Variants in NRXN1 observed in about 807,000 individuals in gnomAD.
NRXN1 encodes the protein neurexin-1.
NRXN1 carries 39 observed loss-of-function variants against 150.9 expected under a neutral mutation model. That is an observed-to-expected ratio of 0.26 (90% CI 0.20 to 0.34). The LOEUF is 0.34. NRXN1 is among the 10% of genes least tolerant of loss of function. The pLI, the probability that NRXN1 is intolerant of heterozygous loss-of-function variation, is 1.00. For synonymous variants in NRXN1, 924 were observed against 757.0 expected (o/e 1.22, Z -3.62); for missense variants, 1,815 against 1,949.9 (o/e 0.93, Z 1.30).
At chr2:50,690,133 T>G (rs1347748628) in intron 5 of NRXN1, among the ~76,000 whole-genome samples, 1 of 152,160 alleles carries the variant, frequency 6.6e-6, no homozygotes, top group African/African-American at 2.4e-5. Flanking sequence ...GTGATCCGCC[T>G]GCCTTAGCTT....
chr2:50,719,328 A>T (rs945734353), intron 5 of NRXN1, among the ~76,000 whole-genome samples: 3 of 145,400 alleles, frequency 2.1e-5, no homozygotes, highest in East Asian at 2.0e-4. Flanking sequence ...GCAAAAAATT[A>T]AAAAAAAAAA....
At chr2:50,684,158 G>C (rs1449011294) in intron 5 of NRXN1, among the ~76,000 whole-genome samples, 1 of 152,044 alleles carries the variant, frequency 6.6e-6, no homozygotes, top group Non-Finnish European at 1.5e-5. Flanking sequence ...ATTTATAATT[G>C]TAATTTCAGA....
intron 17 of NRXN1, among the ~76,000 whole-genome samples, chr2:50,413,838 T>C (rs557749929): frequency 4.5e-4 from 68 of 152,302 alleles, no homozygotes; most frequent in Non-Finnish European, 6.9e-4. Flanking sequence ...CATAATGGAC[T>C]ACTGTTCAGA....
intron 8 of NRXN1, chr2:50,554,582 A>G (rs1667965408): frequency 6.6e-6 from 1 of 152,220 alleles, no homozygotes; most frequent in Non-Finnish European, 1.5e-5. Context: ...ATTCATTCCA[A>G]TGCCAATCAC....
intron 17 of NRXN1, among the ~76,000 whole-genome samples, chr2:50,402,982 A>C (rs115674457): frequency 0.011 from 1,688 of 152,276 alleles, 36 homozygotes; most frequent in African/African-American, 0.037. Context: ...AACAAATATT[A>C]ATGTAAGGGT....
intron 21 of NRXN1, among the ~76,000 whole-genome samples, chr2:49,998,286 T>C (rs1344990304): frequency 6.6e-6 from 1 of 152,208 alleles, no homozygotes; most frequent in Non-Finnish European, 1.5e-5. Context: ...GACTACTATA[T>C]GACCCGTGAC....
rs146942471 is a variant in NRXN1 at position 51,011,490 on chromosome 2, T to G, written c.772+16012A>C. Among the ~76,000 whole-genome samples the G allele has an allele frequency of 3.0e-3, 462 of 152,110 alleles. 4 individuals carry two copies. Among genetic ancestry groups the G allele is most frequent in the Non-Finnish European group, 1.5e-3 (103 of 67,960 alleles). The stretch of plus-strand genomic sequence containing the variant: ...ACCAGGGGTGAGCAGGAAGAGGGTA[T>G]CAGGGATGATTTCACAGAGAAGGAG... On this transcript the variant is annotated intron_variant, in intron 2 of 22. Coordinates refer to ENST00000401669, the MANE Select transcript of NRXN1 (RefSeq NM_001330078.2).
At chr2:50,330,254 T>C (rs566947553) in intron 17 of NRXN1, among the ~76,000 whole-genome samples, 6 of 152,316 alleles carry the variant, frequency 3.9e-5, no homozygotes, top group African/African-American at 1.2e-4. Context: ...TTTCTTTAGA[T>C]ACGATTCTGG....
intron 5 of NRXN1, among the ~76,000 whole-genome samples, chr2:50,837,907 T>G (rs1672336367): frequency 1.3e-5 from 2 of 152,262 alleles, no homozygotes; most frequent in East Asian, 3.9e-4. Flanking sequence ...TAAATATGAA[T>G]CCACAGTGAG....
intron 22 of NRXN1, among the ~76,000 whole-genome samples, chr2:49,929,002 C>T (rs1040731543): frequency 1.3e-5 from 2 of 152,146 alleles, no homozygotes; most frequent in Non-Finnish European, 2.9e-5. Flanking sequence ...ACCTTTGCTA[C>T]CTGCCTGGCT....
intron 18 of NRXN1, among the ~76,000 whole-genome samples, chr2:50,109,790 G>A (rs1441246544): frequency 6.6e-6 from 1 of 152,038 alleles, no homozygotes; most frequent in African/African-American, 2.4e-5. Flanking sequence ...TAGTATAAAT[G>A]TATCCAGAGA....
At chr2:50,142,953 C>A (rs947964974) in intron 18 of NRXN1, among the ~76,000 whole-genome samples, 3 of 151,808 alleles carry the variant, frequency 2.0e-5, no homozygotes, top group Admixed American at 1.3e-4. Context: ...TGAACTATCA[C>A]CCTATCCCCG....
intron 18 of NRXN1, among the ~76,000 whole-genome samples, chr2:50,141,227 G>T (rs1379285577): frequency 2.0e-5 from 3 of 151,926 alleles, no homozygotes; most frequent in Non-Finnish European, 4.4e-5. Flanking sequence ...TTTAAATTGG[G>T]CCATGTGCTG....
In NRXN1 at chr2:50,939,257, T is replaced by G. The variant is rs1002007629; in HGVS notation, c.773-13302A>C. Among the ~76,000 whole-genome samples the G allele has an allele frequency of 4.0e-5, 6 of 150,008 alleles. No individual in the cohort carries two copies. The East Asian group carries it at 1.2e-3, about 29-fold the overall frequency. On this transcript the variant is annotated intron_variant, in intron 2 of 22. Coordinates refer to ENST00000401669, the MANE Select transcript of NRXN1 (RefSeq NM_001330078.2). ...AAAAAATTAAATGTAGGTAGCCCCA[T>G]TAAAATAATGACTTACAAAGCTTCA... is the stretch of plus-strand genomic sequence containing the variant.
rs543408300 is a variant in NRXN1, at chr2:50,343,171, A to G, written c.3365-106201T>C. On this transcript the variant is annotated intron_variant, in intron 17 of 22. Transcript: ENST00000401669. ...CAGAGCTCATATTTGTGGGAGGAGA[A>G]AGGATGGCACTGGTGGCTTTCTCCT... 1.2e-4 allele frequency among the ~76,000 whole-genome samples: 19 copies of G among 152,326 alleles called. 1 individual carries two copies. The South Asian group carries it at 3.9e-3, about 32-fold the overall frequency.
intron 2 of NRXN1, among the ~76,000 whole-genome samples, chr2:50,961,935 A>G (rs1289100052): frequency 2.0e-5 from 3 of 150,994 alleles, no homozygotes; most frequent in Admixed American, 1.3e-4. Context: ...ATTACAACTG[A>G]GAATAATTTC....
chr2:50,680,644 C>A (rs1043275849), intron 5 of NRXN1, among the ~76,000 whole-genome samples: 1 of 151,740 alleles, frequency 6.6e-6, no homozygotes, highest in Non-Finnish European at 1.5e-5. Context: ...ATTACACAGC[C>A]TTTGTGAGAT....
chr2:50,012,082 C>T (rs1420733267), intron 21 of NRXN1, among the ~76,000 whole-genome samples: 1 of 152,044 alleles, frequency 6.6e-6, no homozygotes, highest in African/African-American at 2.4e-5. Flanking sequence ...TAAAAGTATT[C>T]TGGATTTTCC....
At chr2:50,932,943 A>T (rs1001000860) in intron 2 of NRXN1, among the ~76,000 whole-genome samples, 16 of 152,094 alleles carry the variant, frequency 1.1e-4, no homozygotes, top group Admixed American at 5.2e-4. Flanking sequence ...AAGTCTAAGA[A>T]ACTTTAATAC....
Sources: allele counts gnomAD v4.1 joint callset (sites outside exome capture counted in the v4.1 genomes callset), GRCh38; gene constraint gnomAD v4.1.1; transcripts MANE v1.5; gene names NCBI Gene and HGNC (gene_info 2026-07-23, HGNC 2026-07-21).